CLCC1: variants seen among roughly 807,000 people sequenced by gnomAD.
CLCC1 encodes chloride channel CLIC like 1.
In CLCC1, 39 loss-of-function variants were observed where a neutral mutation model predicts 63.3. That is an observed-to-expected ratio of 0.62 (90% CI 0.48 to 0.81). CLCC1 has a LOEUF of 0.81. Ranked by LOEUF, CLCC1 falls within the 30% of genes least tolerant of loss-of-function variation. The pLI, the probability that CLCC1 is intolerant of heterozygous loss-of-function variation, is 0.00. For synonymous variants in CLCC1, 217 were observed against 239.8 expected (o/e 0.90, Z 0.88); for missense variants, 549 against 669.4 (o/e 0.82, Z 1.98).
intron 5 of CLCC1, among the ~76,000 whole-genome samples, chr1:108,946,127 G>A (rs574890729): frequency 6.6e-6 from 1 of 152,108 alleles, no homozygotes; most frequent in Admixed American, 6.5e-5. Flanking sequence ...TGGCTAACAC[G>A]GTGAAACCCT....
In CLCC1 at chr1:108,961,858, T is replaced by TA. The variant is rs144759211; in HGVS notation, c.-12+450dup. On this transcript the variant is annotated intron_variant, in intron 2 of 12. Transcript: ENST00000369969. Reference sequence around the variant, plus strand: ...TGGGCAACAAGAGCAAAACTCCGTCTAAAAAAAAAAAAGTAGCTAATATTT... The same window carrying TA: ...TGGGCAACAAGAGCAAAACTCCGTCTAAAAAAAAAAAAAGTAGCTAATATTT... Among the ~76,000 whole-genome samples the TA allele has an allele frequency of 9.0e-3, 1,313 of 145,330 alleles. 8 individuals carry two copies. Among genetic ancestry groups the TA allele is most frequent in the African/African-American group, 0.024 (961 of 39,918 alleles).
At position 108,959,603 on chromosome 1, in the gene CLCC1, A is replaced by G. The variant is rs533685386; in HGVS notation, c.-12+2706T>C. On this transcript the variant is annotated intron_variant, in intron 2 of 12. Transcript: ENST00000369969. ...TTACTGTGCCTAACTGATAAATTAA[A>G]CTTTAGCAGAGGAATAGATGTATAG... 6.6e-5 allele frequency among the ~76,000 whole-genome samples: 10 copies of G among 152,348 alleles called. No individual in the cohort carries two copies. The South Asian group carries it at 2.1e-3, about 32-fold the overall frequency.
At position 108,943,591 on chromosome 1, in the gene CLCC1, C is replaced by T. The variant is rs201122607; in HGVS notation, c.586G>A (p.Val196Met). 227 of 1,611,100 alleles carry T rather than the reference C, an allele frequency of 1.4e-4. 1 individual carries two copies. The highest frequency in any genetic ancestry group is 1.7e-4 in the Non-Finnish European group (205 of 1,179,570). Reference protein sequence around the residue: ...LMVLLCLLCIVVLVATELWTY... With the variant: ...LMVLLCLLCIMVLVATELWTY... ...CACAGCTCAGTAGCCACTAAAACCA[C>T]GATGCAGAGCAGACAAAGAAGTACC... The change falls in exon 7 of 13, where the codon GTG becomes ATG. Residue 196 changes from valine (V) to methionine (M), a missense_variant. Coordinates refer to ENST00000369969, the MANE Select transcript of CLCC1 (RefSeq NM_001377458.1).
intron 12 of CLCC1, chr1:108,933,425 G>A (rs1304983701): frequency 2.2e-5 from 3 of 137,864 alleles, no homozygotes; most frequent in Non-Finnish European, 3.1e-5. Context: ...CTGTAGGCAT[G>A]AGCCACTGCA....
At chr1:108,938,947 T>C (rs1159971307) in intron 10 of CLCC1, among the ~76,000 whole-genome samples, 2 of 151,978 alleles carry the variant, frequency 1.3e-5, no homozygotes, top group Admixed American at 6.6e-5. Flanking sequence ...GTATAATATG[T>C]CTGTATCATT....
Position 108,931,379 on chromosome 1 carries a change from TG to T in CLCC1, c.*1167del. 1 of 1,551,130 alleles carries T rather than the reference TG, an allele frequency of 6.4e-7. No individual in the cohort carries two copies. The highest frequency in any genetic ancestry group is 8.7e-7 in the Non-Finnish European group (1 of 1,147,100). On this transcript the variant is annotated 3_prime_UTR_variant, in exon 13 of 13. Coordinates refer to ENST00000369969, the MANE Select transcript of CLCC1 (RefSeq NM_001377458.1). ...AACTAACTGTAGCAAAAGACAAGTA[TG>T]GGACAGACTGGGACCTGGAGTAACA...
chr1:108,952,478 T>A (rs570780425), intron 2 of CLCC1, among the ~76,000 whole-genome samples: 33 of 148,710 alleles, frequency 2.2e-4, no homozygotes, highest in East Asian at 1.9e-3. Flanking sequence ...GCCCCCCCTG[T>A]TTTTTTTTAA....
At chr1:108,946,196 G>A (rs35916930) in intron 5 of CLCC1, among the ~76,000 whole-genome samples, 10,694 of 151,960 alleles carry the variant, frequency 0.07, 508 homozygotes, top group Non-Finnish European at 0.099. Context: ...TGTAGTCCCA[G>A]CTACTCAGGA....
chr1:108,957,785 T>G (rs1193948484), intron 2 of CLCC1, among the ~76,000 whole-genome samples: 1 of 151,406 alleles, frequency 6.6e-6, no homozygotes, highest in African/African-American at 2.5e-5. Context: ...ATTATAAATA[T>G]GCAGGATGAA....
At chr1:108,954,070 G>A (rs1385433825) in intron 2 of CLCC1, among the ~76,000 whole-genome samples, 2 of 150,268 alleles carry the variant, frequency 1.3e-5, no homozygotes, top group Non-Finnish European at 2.9e-5. Flanking sequence ...AGACTGCACA[G>A]GAATGGGAAT....
intron 8 of CLCC1, among the ~76,000 whole-genome samples, chr1:108,940,811 T>G (rs1354216478): frequency 6.6e-6 from 1 of 152,226 alleles, no homozygotes; most frequent in Non-Finnish European, 1.5e-5. Flanking sequence ...GAAACATTTA[T>G]TTTGGATTCC....
intron 2 of CLCC1, among the ~76,000 whole-genome samples, chr1:108,950,805 G>A (rs1247191891): frequency 6.6e-6 from 1 of 152,010 alleles, no homozygotes; most frequent in Admixed American, 6.6e-5. Flanking sequence ...ATGAGCCATT[G>A]CACCCAGCCA....
chr1:108,946,008 C>T (rs1654481644), intron 5 of CLCC1, among the ~76,000 whole-genome samples: 1 of 151,838 alleles, frequency 6.6e-6, no homozygotes, highest in Non-Finnish European at 1.5e-5. Flanking sequence ...ACTGAAAACA[C>T]AAAAATATTA....
At chr1:108,934,498 G>A in intron 12 of CLCC1, 127 bp downstream of exon 12, 1 of 688,294 alleles carries the variant, frequency 1.5e-6, no homozygotes, top group South Asian at 2.2e-5. Flanking sequence ...TATATAACGT[G>A]TTTGTTAATT....
intron 2 of CLCC1, among the ~76,000 whole-genome samples, chr1:108,951,783 T>G (rs1655213463): frequency 6.6e-6 from 1 of 151,552 alleles, no homozygotes; most frequent in African/African-American, 2.4e-5. Context: ...TTTTTTTTTT[T>G]TGAGACAGGG....
intron 2 of CLCC1, among the ~76,000 whole-genome samples, chr1:108,957,673 C>T (rs1656087320): frequency 6.6e-6 from 1 of 151,368 alleles, no homozygotes. Context: ...GCCAGGGCAA[C>T]TGGGAGAAGG....
chr1:108,952,160 G>A (rs1557898498), intron 2 of CLCC1, among the ~76,000 whole-genome samples: 2 of 130,272 alleles, frequency 1.5e-5, no homozygotes, highest in Non-Finnish European at 3.2e-5. Context: ...GTATTTTAAC[G>A]AATCTCCCCC....
intron 2 of CLCC1, among the ~76,000 whole-genome samples, chr1:108,954,292 C>G (rs1655581719): frequency 6.7e-6 from 1 of 150,322 alleles, no homozygotes; most frequent in Non-Finnish European, 1.5e-5. Context: ...TCAAGACCAT[C>G]CTGGCTAACA....
intron 2 of CLCC1, among the ~76,000 whole-genome samples, chr1:108,954,839 T>C (rs2101706742): frequency 6.7e-6 from 1 of 150,240 alleles, no homozygotes; most frequent in East Asian, 2.0e-4. Flanking sequence ...TGTGTGTGTG[T>C]GTGTGTGTGT....
Sources: allele counts gnomAD v4.1 joint callset (sites outside exome capture counted in the v4.1 genomes callset), GRCh38; gene constraint gnomAD v4.1.1; transcripts MANE v1.5; gene names NCBI Gene and HGNC (gene_info 2026-07-23, HGNC 2026-07-21).